ASAP1: variants seen among roughly 807,000 people sequenced by gnomAD.
ASAP1 encodes ArfGAP with SH3 domain, ankyrin repeat and PH domain 1, also known as arf-GAP with SH3 domain, ANK repeat and PH domain-containing protein 1.
Under a neutral mutation model 145.2 loss-of-function variants are expected in ASAP1, and 43 were observed. The ratio of observed to expected loss-of-function variants is 0.30; its 90% CI spans 0.23 to 0.38. ASAP1 has a LOEUF of 0.38. ASAP1 is among the 10% of genes least tolerant of loss of function. The pLI is 1.00. For missense variants in ASAP1, 1,018 were observed against 1,355.3 expected, an observed-to-expected ratio of 0.75 and a Z score of 3.91; for synonymous variants, 546 against 515.5, an observed-to-expected ratio of 1.06 and a Z score of -0.80.
chr8:130,309,515 T>G (rs1484163983), intron 3 of ASAP1, among the ~76,000 whole-genome samples: 1 of 152,186 alleles, frequency 6.6e-6, no homozygotes, highest in Non-Finnish European at 1.5e-5. Context: ...ATGCAACTGC[T>G]GCTGCAGATG....
At position 130,443,452 on chromosome 8, in the gene ASAP1, C is replaced by T. The variant is rs1459764947; in HGVS notation, c.-28+8G>A. 1.3e-5 allele frequency: 2 copies of T among 151,008 alleles called. No individual in the cohort carries two copies. The highest frequency in any genetic ancestry group is 3.9e-4 in the East Asian group (2 of 5,172). The allele number at this position is 151,008 out of a possible 1,614,324, so 9.4% of individuals were successfully genotyped here. ...CCGCCGAGCGCGCCCGAGCGCCCCG[C>T]AACTCACCGGGACCTGGCGGGCCGC... On this transcript the variant is annotated splice_region_variant and intron_variant, in intron 1 of 29. Transcript: ENST00000518721.
At chr8:130,128,357 A>G (rs749401284) in intron 15 of ASAP1, among the ~76,000 whole-genome samples, 1 of 152,032 alleles carries the variant, frequency 6.6e-6, no homozygotes, top group Non-Finnish European at 1.5e-5. Context: ...AAAAATCAAT[A>G]TAACTGAGGA....
intron 3 of ASAP1, among the ~76,000 whole-genome samples, chr8:130,249,249 G>A (rs935237410): frequency 2.0e-5 from 3 of 152,058 alleles, no homozygotes; most frequent in African/African-American, 7.2e-5. Flanking sequence ...ACAGAATCAA[G>A]TGGAACCCCC....
chr8:130,295,562 A>T lies in ASAP1; in HGVS notation c.187-58568T>A, dbSNP rs1363126066. Among the ~76,000 whole-genome samples, 8 of 152,358 alleles carry T rather than the reference A, an allele frequency of 5.3e-5. No homozygotes were observed. In the East Asian group the frequency reaches 1.5e-3, roughly 29 times the overall value. On this transcript the variant is annotated intron_variant, in intron 3 of 29. Transcript: ENST00000518721. ...GGTTTATATGAGATAATGTTTATGA[A>T]ACATCTAGCAAAAAGTAAGCACACA...
At chr8:130,134,870 T>C (rs1445248236) in intron 14 of ASAP1, among the ~76,000 whole-genome samples, 2 of 152,208 alleles carry the variant, frequency 1.3e-5, no homozygotes, top group South Asian at 2.1e-4. Context: ...AAATGATTCA[T>C]TTACTGTTCC....
chr8:130,430,165 G>C (rs545090544), intron 1 of ASAP1, among the ~76,000 whole-genome samples: 1 of 152,282 alleles, frequency 6.6e-6, no homozygotes, highest in Non-Finnish European at 1.5e-5. Context: ...AAGAGAGATT[G>C]TCAAACTCTC....
intron 19 of ASAP1, 45 bp from the exon 20 acceptor site, chr8:130,118,291 G>A (rs757253477): frequency 8.1e-5 from 127 of 1,570,202 alleles, no homozygotes; most frequent in Non-Finnish European, 1.1e-4. Context: ...AATATGCTCT[G>A]CCAAGGGAGG....
intron 2 of ASAP1, among the ~76,000 whole-genome samples, chr8:130,401,219 G>A (rs1828782140): frequency 6.6e-6 from 1 of 151,886 alleles, no homozygotes; most frequent in Non-Finnish European, 1.5e-5. Flanking sequence ...TTGTTGGGAG[G>A]AGTAAATGAA....
At chr8:130,366,626 T>A (rs1826961419) in intron 2 of ASAP1, among the ~76,000 whole-genome samples, 2 of 152,140 alleles carry the variant, frequency 1.3e-5, no homozygotes, top group Admixed American at 6.5e-5. Context: ...GAGTGTGCGA[T>A]CTGGATTCAG....
chr8:130,143,782 G>C (rs1365844290), intron 13 of ASAP1, among the ~76,000 whole-genome samples: 1 of 152,168 alleles, frequency 6.6e-6, no homozygotes, highest in Non-Finnish European at 1.5e-5. Flanking sequence ...AGACAGCTTA[G>C]TGTGCACCAT....
At chr8:130,300,153 C>CACACAGAGAGAGAGAGAG (rs1196584279) in intron 3 of ASAP1, among the ~76,000 whole-genome samples, 47 of 76,912 alleles carry the variant, frequency 6.1e-4, no homozygotes, top group East Asian at 1.9e-3. Context: ...CACACACACA[C>CACACAGAGAGAGAGAGAG]AGAGAGAGAG....
chr8:130,147,535 A>G (rs1565016558), intron 13 of ASAP1, among the ~76,000 whole-genome samples: 1 of 152,180 alleles, frequency 6.6e-6, no homozygotes, highest in African/African-American at 2.4e-5. Flanking sequence ...AACAGCTATT[A>G]AGTTTAAGGA....
Position 130,436,800 on chromosome 8 carries a change from C to G in ASAP1, c.-28+6660G>C, listed in dbSNP as rs145654749. The stretch of plus-strand genomic sequence containing the variant: ...GGGGCAACACAGCAAGATCCTATCA[C>G]TTAAAATAATAATAATATAAAAAAT... On this transcript the variant is annotated intron_variant, in intron 1 of 29. Transcript: ENST00000518721. Among the ~76,000 whole-genome samples, 1,396 of 152,152 alleles carry G rather than the reference C, an allele frequency of 9.2e-3. 11 individuals carry two copies. The highest frequency in any genetic ancestry group is 0.024 in the Middle Eastern group (7 of 292).
At chr8:130,072,824 T>TGTGTGTGTGTGTGTGCGC in intron 27 of ASAP1, among the ~76,000 whole-genome samples, 4 of 32,316 alleles carry the variant, frequency 1.2e-4, no homozygotes, top group Admixed American at 3.6e-4. Flanking sequence ...TGTGTGTGTG[T>TGTGTGTGTGTGTGTGCGC]GCGCGCGGGG....
chr8:130,252,014 T>A (rs1056731174), intron 3 of ASAP1, among the ~76,000 whole-genome samples: 3 of 152,194 alleles, frequency 2.0e-5, no homozygotes, highest in African/African-American at 7.2e-5. Flanking sequence ...CTGTTGCCAT[T>A]TCCTCAATAA....
chr8:130,347,522 T>C (rs985998291), intron 3 of ASAP1, among the ~76,000 whole-genome samples: 11 of 152,366 alleles, frequency 7.2e-5, no homozygotes, highest in Admixed American at 7.2e-4. Flanking sequence ...CCAGAAGAAC[T>C]GAATCTAGTC....
At chr8:130,146,393 A>G (rs1317414195) in intron 13 of ASAP1, among the ~76,000 whole-genome samples, 2 of 152,180 alleles carry the variant, frequency 1.3e-5, no homozygotes, top group Non-Finnish European at 2.9e-5. Context: ...AAATGGTCAC[A>G]CTTTCTAAAT....
intron 3 of ASAP1, among the ~76,000 whole-genome samples, chr8:130,340,691 A>G (rs1825319737): frequency 6.6e-6 from 1 of 152,234 alleles, no homozygotes; most frequent in African/African-American, 2.4e-5. Context: ...GCTCCACCAT[A>G]TAACAGTTGT....
rs185000213 is a variant in ASAP1, at chr8:130,086,411, T to A, written c.2572+5562A>T. Reference sequence around the variant, plus strand: ...CAGCACTCTGTGAGGCACTTACAAGTGATGGCCTTATAAAATATTACGTAC... The same window carrying A: ...CAGCACTCTGTGAGGCACTTACAAGAGATGGCCTTATAAAATATTACGTAC... On this transcript the variant is annotated intron_variant, in intron 25 of 29. Transcript: ENST00000518721. Among the ~76,000 whole-genome samples the A allele has an allele frequency of 2.6e-5, 4 of 152,352 alleles. No homozygotes were observed. The East Asian group carries it at 7.7e-4, about 29-fold the overall frequency.
Sources: gnomAD v4.1 joint callset for allele counts (sites outside exome capture counted in the v4.1 genomes callset) on GRCh38, gnomAD v4.1.1 for gene constraint, MANE v1.5 for transcripts, NCBI Gene and HGNC (gene_info 2026-07-23, HGNC 2026-07-21) for gene names.